Variants in TAOK3 observed in about 807,000 individuals in gnomAD.
The protein encoded by TAOK3 is TAO kinase 3, also known as serine/threonine-protein kinase TAO3.
TAOK3 carries 40 observed loss-of-function variants against 120.4 expected under a neutral mutation model. The observed-to-expected ratio is 0.33, with a 90% CI of 0.26 to 0.43. The LOEUF is 0.43. TAOK3 is among the 20% of genes least tolerant of loss of function. TAOK3 has a pLI of 1.00. For synonymous variants in TAOK3, 355 were observed against 387.5 expected (o/e 0.92, Z 0.99); for missense variants, 821 against 1,112.1 (o/e 0.74, Z 3.72).
intron 1 of TAOK3, among the ~76,000 whole-genome samples, chr12:118,325,143 G>A (rs1181018145): frequency 6.6e-6 from 1 of 152,084 alleles, no homozygotes; most frequent in South Asian, 2.1e-4. Context: ...ACTTAACATT[G>A]CTTCCAAATC....
rs186890070 is a variant in TAOK3 at position 118,153,467 on chromosome 12, A to C, written c.2353-1058T>G. 4.4e-3 allele frequency among the ~76,000 whole-genome samples: 672 copies of C among 152,298 alleles called. 2 individuals are homozygous for C. The highest frequency in any genetic ancestry group is 7.9e-3 in the Non-Finnish European group (540 of 68,030). On this transcript the variant is annotated intron_variant, in intron 19 of 20. Transcript: ENST00000392533. ...TAGGCTTGACAATTTTAAGAGGCAT[A>C]ACTGCTTTGAAGCAGTGCCTGAACT...
chr12:118,279,910 C>T (rs1223836895), intron 1 of TAOK3, among the ~76,000 whole-genome samples: 6 of 151,130 alleles, frequency 4.0e-5, no homozygotes, highest in African/African-American at 7.3e-5. Context: ...GGATTATAGG[C>T]GCCCGCCACC....
chr12:118,151,614 T>C (rs1233873497), intron 20 of TAOK3, among the ~76,000 whole-genome samples: 1 of 152,000 alleles, frequency 6.6e-6, no homozygotes, highest in Non-Finnish European at 1.5e-5. Flanking sequence ...GCTGGGAAAA[T>C]AGTCTGTTAC....
chr12:118,225,544 A>T (rs2139709862), intron 9 of TAOK3, among the ~76,000 whole-genome samples: 1 of 152,248 alleles, frequency 6.6e-6, no homozygotes, highest in African/African-American at 2.4e-5. Context: ...TGAGAAATTA[A>T]ATGTTCTTGG....
At chr12:118,207,240 C>T (rs568020650) in intron 11 of TAOK3, among the ~76,000 whole-genome samples, 4 of 150,576 alleles carry the variant, frequency 2.7e-5, no homozygotes, top group Non-Finnish European at 4.4e-5. Context: ...GCAGGAGAAT[C>T]GCTTGAACCA....
In TAOK3 at chr12:118,168,136, CTGTT is replaced by C. The variant is rs201553070; in HGVS notation, c.1899+4317_1899+4320del. 7.1e-3 allele frequency among the ~76,000 whole-genome samples: 1,083 copies of C among 152,048 alleles called. 7 individuals are homozygous for C. Among genetic ancestry groups the C allele is most frequent in the Middle Eastern group, 0.017 (5 of 294 alleles). On this transcript the variant is annotated intron_variant, in intron 17 of 20. Coordinates refer to ENST00000392533, the MANE Select transcript of TAOK3 (RefSeq NM_016281.4). ...AATATACATGCCAAATTAATGGAGACTGTTTGAGGGTAGAGATTGGGTGGAATGG... is the reference window on the plus strand; with the variant it reads ...AATATACATGCCAAATTAATGGAGACTGAGGGTAGAGATTGGGTGGAATGG...
rs938407399 is a variant in TAOK3, at chr12:118,160,489, T to C, written c.2140-131A>G. On this transcript the variant is annotated intron_variant, in intron 18 of 20. Transcript: ENST00000392533. This position sits in a 1 kb window ranked among gnomAD's most constrained non-coding sequence, Gnocchi z 4.2. The stretch of plus-strand genomic sequence containing the variant: ...TGCAGTGACTCACATTGCTAATCAA[T>C]AAAAATCAAGCAGTATGTATGACAC... The C allele has an allele frequency of 4.2e-6, 3 of 720,844 alleles. No homozygotes were observed. The highest frequency in any genetic ancestry group is 6.9e-6 in the Non-Finnish European group (3 of 434,842). 44.7% of individuals were successfully genotyped at this position (720,844 alleles called of 1,614,324 possible). A position where few individuals can be genotyped will look rare whatever the true frequency, so the allele number is the denominator to read the frequency against.
chr12:118,159,296 C>T (rs891078365), intron 19 of TAOK3, among the ~76,000 whole-genome samples: 1 of 147,216 alleles, frequency 6.8e-6, no homozygotes, highest in Admixed American at 7.1e-5. Context: ...CAGTACCTCC[C>T]ATTTCAAATC....
rs138817569 is a variant in TAOK3 at position 118,211,761 on chromosome 12, G to A, written c.819+1153C>T. 6.0e-4 allele frequency among the ~76,000 whole-genome samples: 91 copies of A among 152,070 alleles called. 1 individual carries two copies. In the East Asian group the frequency reaches 0.016, roughly 26 times the overall value. ...CTCCTGAGATGCTGGGATTATAGGC[G>A]TGAGCCACCATACCCAGCTCCACAT... On this transcript the variant is annotated intron_variant, in intron 11 of 20. Transcript: ENST00000392533.
chr12:118,224,414 A>C (rs2039404238), intron 9 of TAOK3, among the ~76,000 whole-genome samples: 1 of 152,222 alleles, frequency 6.6e-6, no homozygotes, highest in Non-Finnish European at 1.5e-5. Flanking sequence ...CCAGGCAGAG[A>C]ATCTATAACA....
chr12:118,307,265 T>A (rs1176880103), intron 1 of TAOK3, among the ~76,000 whole-genome samples: 1 of 151,822 alleles, frequency 6.6e-6, no homozygotes, highest in Non-Finnish European at 1.5e-5. Flanking sequence ...CTCTTTAAAA[T>A]CATTTGTAAA....
At chr12:118,292,979 A>G (rs1318120877) in intron 1 of TAOK3, among the ~76,000 whole-genome samples, 1 of 152,210 alleles carries the variant, frequency 6.6e-6, no homozygotes. Flanking sequence ...TGTCGAAAGG[A>G]CAATTCAGCA....
intron 1 of TAOK3, among the ~76,000 whole-genome samples, chr12:118,318,372 G>A (rs1306067437): frequency 2.0e-5 from 3 of 152,022 alleles, no homozygotes; most frequent in Admixed American, 6.5e-5. Context: ...TGGCCAGGAT[G>A]GTCTCGATTT....
At chr12:118,176,646 G>T (rs1461455058) in intron 16 of TAOK3, among the ~76,000 whole-genome samples, 1 of 151,778 alleles carries the variant, frequency 6.6e-6, no homozygotes, top group Admixed American at 6.6e-5. Context: ...CTCTACCCCA[G>T]AAAATCTAGG....
chr12:118,215,217 C>T (rs139052799), intron 9 of TAOK3, among the ~76,000 whole-genome samples: 1,792 of 133,838 alleles, frequency 0.013, 14 homozygotes, highest in Non-Finnish European at 0.016. Flanking sequence ...ACAAAATGGC[C>T]GGGCGCGGTG....
intron 17 of TAOK3, among the ~76,000 whole-genome samples, chr12:118,163,418 CTTAA>C (rs1367854077): frequency 7.8e-6 from 1 of 127,448 alleles, no homozygotes; most frequent in Non-Finnish European, 1.6e-5. Context: ...ACAAAAAAAT[CTTAA>C]TTAATACAGG....
At chr12:118,337,693 ATTCT>A (rs2044423686) in intron 1 of TAOK3, among the ~76,000 whole-genome samples, 1 of 152,260 alleles carries the variant, frequency 6.6e-6, no homozygotes, top group South Asian at 2.1e-4. Context: ...TTTGTATAAC[ATTCT>A]TGAAATGACA....
intron 1 of TAOK3, among the ~76,000 whole-genome samples, chr12:118,293,643 C>A (rs1295974052): frequency 6.7e-6 from 1 of 150,346 alleles, no homozygotes; most frequent in Non-Finnish European, 1.5e-5. Context: ...CATTGCACTC[C>A]AGCCTGGGTG....
intron 1 of TAOK3, among the ~76,000 whole-genome samples, chr12:118,302,355 T>C (rs761396392): frequency 6.6e-6 from 1 of 152,212 alleles, no homozygotes; most frequent in Non-Finnish European, 1.5e-5. Flanking sequence ...CTGAAGGCAG[T>C]CTAGAGTGCT....
Sources: allele counts gnomAD v4.1 joint callset (sites outside exome capture counted in the v4.1 genomes callset), GRCh38; gene constraint gnomAD v4.1.1; non-coding constraint Gnocchi (gnomAD v3.1); transcripts MANE v1.5; gene names NCBI Gene and HGNC (gene_info 2026-07-23, HGNC 2026-07-21).